NGDN: variants seen among roughly 807,000 people sequenced by gnomAD.
The protein encoded by NGDN is EIF4E-binding protein.
In NGDN, 41 loss-of-function variants were observed where a neutral mutation model predicts 45.2. That is an observed-to-expected ratio of 0.91 (90% CI 0.71 to 1.18). NGDN has a LOEUF of 1.18. Among genes scored for constraint, NGDN ranks in the 50% most tolerant of loss-of-function variants. The probability of loss-of-function intolerance (pLI) is 0.00; values close to 1 mark genes in which losing one functional copy is unlikely to be tolerated. For missense variants in NGDN, 402 were observed against 399.9 expected, an observed-to-expected ratio of 1.01 and a Z score of -0.05; for synonymous variants, 137 against 130.9, an observed-to-expected ratio of 1.05 and a Z score of -0.32.
chr14:23,469,902 C>T, intron 1 of NGDN, 140 bp from the exon 2 acceptor site: 2 of 1,236,674 alleles, frequency 1.6e-6, no homozygotes, highest in Non-Finnish European at 2.3e-6. Flanking sequence ...GGCTTTAAGG[C>T]GAGTCTGTGA....
chr14:23,469,808 T>G, intron 1 of NGDN, 81 bp downstream of exon 1: 1 of 1,561,704 alleles, frequency 6.4e-7, no homozygotes, highest in Non-Finnish European at 8.8e-7. Context: ...AAACTGTTGG[T>G]ACCAGGGAAG....
chr14:23,469,881 C>G (rs1893731740), intron 1 of NGDN, 154 bp downstream of exon 1: 1 of 1,252,362 alleles, frequency 8.0e-7, no homozygotes, highest in Admixed American at 2.0e-5. Flanking sequence ...TGTCCGGTAA[C>G]CCAAGGGGCT....
chr14:23,475,355 G>A, intron 4 of NGDN, 47 bp downstream of exon 4: 1 of 1,572,304 alleles, frequency 6.4e-7, no homozygotes, highest in Non-Finnish European at 8.7e-7. Context: ...TAAATTTTGA[G>A]CTCCAAGGGT....
chr14:23,474,098 C>T (rs1252310908), intron 3 of NGDN, among the ~76,000 whole-genome samples: 1 of 150,126 alleles, frequency 6.7e-6, no homozygotes, highest in African/African-American at 2.4e-5. Context: ...CAATATTTGA[C>T]TACCAAACAC....
intron 3 of NGDN, among the ~76,000 whole-genome samples, chr14:23,474,069 C>T (rs1354338821): frequency 6.7e-6 from 1 of 148,504 alleles, no homozygotes; most frequent in Non-Finnish European, 1.5e-5. Context: ...ACTGAGGTCA[C>T]AAGGTTAAGT....
Position 23,469,729 on chromosome 14 carries a change from T to G in NGDN, c.12+2T>G, listed in dbSNP as rs1242899736. On this transcript the variant is annotated splice_donor_variant, in intron 1 of 10. Coordinates refer to ENST00000408901, the MANE Select transcript of NGDN (RefSeq NM_001042635.2). LOFTEE classifies it high-confidence loss of function. ...GGCTTTGCGAAGATGGCGGCGCTGG[T>G]GAGTTTGGTGTGGTTTCTTCCTCGC... 1.2e-6 allele frequency: 2 copies of G among 1,613,952 alleles called. No homozygotes were observed. The highest frequency in any genetic ancestry group is 1.7e-5 in the Admixed American group (1 of 59,992).
At chr14:23,471,021 T>A in intron 3 of NGDN, 44 bp downstream of exon 3, 1 of 1,279,022 alleles carries the variant, frequency 7.8e-7, no homozygotes, top group East Asian at 2.7e-5. Flanking sequence ...CTTAATGTTC[T>A]CAGTAGTTCT....
At chr14:23,475,801 T>C in intron 6 of NGDN, 23 bp downstream of exon 6, 1 of 1,608,614 alleles carries the variant, frequency 6.2e-7, no homozygotes, top group Admixed American at 1.7e-5. Context: ...AGTATTCTCC[T>C]GATTTTTTTC....
intron 1 of NGDN, 31 bp from the exon 2 acceptor site, chr14:23,470,011 C>T: frequency 1.2e-6 from 2 of 1,609,846 alleles, no homozygotes; most frequent in Non-Finnish European, 1.7e-6. Context: ...GAAAGAATGA[C>T]TTTTCTTTAC....
chr14:23,476,435 C>T (rs1182794998), intron 8 of NGDN, 28 bp downstream of exon 8: 29 of 1,588,112 alleles, frequency 1.8e-5, no homozygotes, highest in Non-Finnish European at 2.5e-5. Flanking sequence ...AGAAATTATT[C>T]CTGCACTCTA....
At chr14:23,478,272 T>G (rs1893950778), downstream of NGDN, 2 of 446,778 alleles carry the variant, frequency 4.5e-6, no homozygotes, top group Non-Finnish European at 7.9e-6. Context: ...TTTTTGGAAG[T>G]GCAAAACATT....
At chr14:23,469,772 G>C in intron 1 of NGDN, 45 bp downstream of exon 1, 1 of 1,612,950 alleles carries the variant, frequency 6.2e-7, no homozygotes, top group Non-Finnish European at 8.5e-7. Context: ...TTGTGGAGTT[G>C]TCCTTTGCCT....
intron 5 of NGDN, 36 bp downstream of exon 5, chr14:23,475,678 A>G (rs539093024): frequency 1.2e-6 from 2 of 1,613,756 alleles, no homozygotes; most frequent in East Asian, 2.2e-5. Context: ...TGTGGGGACC[A>G]TCAGAAAGTT....
intron 1 of NGDN, 45 bp downstream of exon 1, chr14:23,469,772 G>T (rs924946419): frequency 6.2e-7 from 1 of 1,612,950 alleles, no homozygotes. Flanking sequence ...TTGTGGAGTT[G>T]TCCTTTGCCT....
rs377712353 is a variant in NGDN, at chr14:23,475,987, C to A, written c.421-42C>A. The stretch of plus-strand genomic sequence containing the variant: ...CTTTGGGTTTTCTTCTCACTTATCT[C>A]ATGAATGCTTCCTAAATTTGCAGAC... On this transcript the variant is annotated intron_variant, in intron 6 of 10. Transcript: ENST00000408901. 7 of 1,613,210 alleles carry A rather than the reference C, an allele frequency of 4.3e-6. No homozygotes were observed. The African/African-American group carries it at 8.0e-5, about 18-fold the overall frequency.
At position 23,475,293 on chromosome 14, in the gene NGDN, G is replaced by T. The variant is rs1202505628; in HGVS notation, c.267G>T (p.Leu89=). Residue 89 remains leucine, a synonymous_variant, in exon 4 of 11, where the codon CTG becomes CTT. Transcript: ENST00000408901. ...AGGGACATGATGCAGTTTTGAGACT[G>T]GTGGAGATTCGCACGGTATGAAGCA... The part of the protein sequence containing the change: ...SLQGHDAVLR[L]VEIRTVLEKL... 1.9e-6 allele frequency: 3 copies of T among 1,612,578 alleles called. No homozygotes were observed. In the East Asian group the frequency reaches 6.7e-5, roughly 36 times the overall value.
chr14:23,477,229 G>A lies in NGDN; in HGVS notation c.743G>A (p.Arg248His). 1.2e-6 allele frequency: 2 copies of A among 1,614,168 alleles called. No individual in the cohort carries two copies. The highest frequency in any genetic ancestry group is 1.7e-6 in the Non-Finnish European group (2 of 1,180,006). Reference sequence around the variant, plus strand: ...AACTATGAGGAGAGCATGATGGTGCGTTTGAGCGTCAGTAAGCGAGAGAAA... The same window carrying A: ...AACTATGAGGAGAGCATGATGGTGCATTTGAGCGTCAGTAAGCGAGAGAAA... ...RINYEESMMV[R>H]LSVSKREKGR... Residue 248 changes from arginine to histidine, a missense_variant, in exon 9 of 11, where the codon CGT becomes CAT. Physicochemically the swap from Arg to His is conservative, Grantham distance 29 (BLOSUM62 0). Coordinates refer to ENST00000408901, the MANE Select transcript of NGDN (RefSeq NM_001042635.2).
At chr14:23,477,846 A>G (rs1207893217) in intron 10 of NGDN, 161 bp from the exon 11 acceptor site, 6 of 1,498,350 alleles carry the variant, frequency 4.0e-6, no homozygotes, top group Non-Finnish European at 5.3e-6. Flanking sequence ...ATCCCATTTC[A>G]ATTTTATTCC....
At position 23,470,022 on chromosome 14, in the gene NGDN, G is replaced by A. The variant is rs1384744487; in HGVS notation, c.13-20G>A. 2 of 1,612,510 alleles carry A rather than the reference G, an allele frequency of 1.2e-6. No individual in the cohort carries two copies. The highest frequency in any genetic ancestry group is 8.5e-7 in the Non-Finnish European group (1 of 1,179,126). On this transcript the variant is annotated intron_variant, in intron 1 of 10. Coordinates refer to ENST00000408901, the MANE Select transcript of NGDN (RefSeq NM_001042635.2). ...TGAGGAAAGAATGACTTTTCTTTAC[G>A]CCTCCTCTCCCTTCTGTAGGGGGTG...
Sources: gnomAD v4.1 joint callset for allele counts (sites outside exome capture counted in the v4.1 genomes callset) on GRCh38, gnomAD v4.1.1 for gene constraint, MANE v1.5 for transcripts, NCBI Gene and HGNC (gene_info 2026-07-23, HGNC 2026-07-21) for gene names.